The following SRC variants were observed in gnomAD, a reference collection of about 807,000 sequenced individuals.
SRC encodes the protein SRC proto-oncogene, non-receptor tyrosine kinase, also known as proto-oncogene tyrosine-protein kinase Src.
In SRC, 13 loss-of-function variants were observed where a neutral mutation model predicts 62.9. The observed-to-expected ratio is 0.21, with a 90% confidence interval of 0.13 to 0.33. The LOEUF (loss-of-function observed/expected upper bound fraction) is 0.33. Ranked by LOEUF, SRC falls within the 10% of genes least tolerant of loss-of-function variation. The probability of loss-of-function intolerance (pLI) is 1.00; values close to 1 mark genes in which losing one functional copy is unlikely to be tolerated. For missense variants in SRC, 457 were observed against 737.3 expected, an observed-to-expected ratio of 0.62 and a Z score of 4.40; for synonymous variants, 302 against 317.5, an observed-to-expected ratio of 0.95 and a Z score of 0.52.
chr20:37,370,857 G>A (rs919990946), intron 2 of SRC, among the ~76,000 whole-genome samples: 4 of 152,110 alleles, frequency 2.6e-5, no homozygotes, highest in Non-Finnish European at 5.9e-5. Context: ...TAAAAATTTG[G>A]TAGAATTCAC....
chr20:37,372,756 T>C (rs182200056), intron 2 of SRC, among the ~76,000 whole-genome samples: 3 of 152,298 alleles, frequency 2.0e-5, no homozygotes, highest in Non-Finnish European at 4.4e-5. Context: ...TTCTGTAAAC[T>C]ATATGTTGTC....
rs1233195337 is a variant in SRC at position 37,384,145 on chromosome 20, G to GC, written c.-4-3dup. The GC allele has an allele frequency of 5.6e-6, 9 of 1,599,930 alleles. No homozygotes were observed. Among genetic ancestry groups the GC allele is most frequent in the Admixed American group, 1.7e-5 (1 of 59,690 alleles). On this transcript the variant is annotated splice_polypyrimidine_tract_variant and splice_region_variant and intron_variant, in intron 3 of 13. Coordinates refer to ENST00000373578, the MANE Select transcript of SRC (RefSeq NM_198291.3). This position sits in a 1 kb window ranked among gnomAD's most constrained non-coding sequence, Gnocchi z 6.7. ...TGTTCCAGTGTCTTCTCTCTCTCCTGCCAGGACCATGGGTAGCAACAAGAG... is the reference window on the plus strand; with the variant it reads ...TGTTCCAGTGTCTTCTCTCTCTCCTGCCCAGGACCATGGGTAGCAACAAGAG...
At chr20:37,386,695 A>C (rs2070461343) in intron 5 of SRC, among the ~76,000 whole-genome samples, 1 of 151,482 alleles carries the variant, frequency 6.6e-6, no homozygotes, top group South Asian at 2.1e-4. Flanking sequence ...TCTCCTGCAC[A>C]TCTCCTCCCC....
chr20:37,402,619 T>G lies in SRC; in HGVS notation c.1270+31T>G. 6.3e-7 allele frequency: 1 copy of G among 1,596,040 alleles called. No homozygotes were observed. On this transcript the variant is annotated intron_variant, in intron 12 of 13. Transcript: ENST00000373578. This position sits in a 1 kb window ranked among gnomAD's most constrained non-coding sequence, Gnocchi z 6.2. ...CAGGGGCTGTGTGGTATGTCGCGCT[T>G]GGCCTGGGACAGGTCACGTCCCGCT...
rs746216043 is a variant in SRC at position 37,351,989 on chromosome 20, C to T, written c.-247+5734C>T. ...GGGTTCCAGCTCTGGCTGATGGATT[C>T]CCCAGTCGGACGTGGAGTACTGGGA... is the stretch of plus-strand genomic sequence containing the variant. On this transcript the variant is annotated intron_variant, in intron 1 of 13. Transcript: ENST00000373578. This position sits in a 1 kb window ranked among gnomAD's most constrained non-coding sequence, Gnocchi z 4.4. 3.3e-5 allele frequency among the ~76,000 whole-genome samples: 5 copies of T among 152,224 alleles called. No homozygotes were observed. Among genetic ancestry groups the T allele is most frequent in the Non-Finnish European group, 7.3e-5 (5 of 68,042 alleles).
intron 1 of SRC, among the ~76,000 whole-genome samples, chr20:37,354,867 A>G (rs1415945867): frequency 6.6e-6 from 1 of 152,160 alleles, no homozygotes; most frequent in East Asian, 1.9e-4. Flanking sequence ...AGGGGTAAGG[A>G]GTCTTCCTCA....
intron 1 of SRC, among the ~76,000 whole-genome samples, chr20:37,348,268 C>G (rs972878864): frequency 6.6e-6 from 1 of 152,162 alleles, no homozygotes; most frequent in Admixed American, 6.5e-5. Context: ...CTGGTTCCTG[C>G]TTTTGCTTCT....
intron 10 of SRC, among the ~76,000 whole-genome samples, chr20:37,400,765 T>C (rs984553543): frequency 6.6e-6 from 1 of 152,190 alleles, no homozygotes; most frequent in African/African-American, 2.4e-5. Context: ...AGTGTTCAGT[T>C]CAGTGGGTTT....
chr20:37,369,863 G>C (rs1438437450), intron 2 of SRC, among the ~76,000 whole-genome samples: 1 of 151,804 alleles, frequency 6.6e-6, no homozygotes, highest in Non-Finnish European at 1.5e-5. Context: ...GCAGTGGTGC[G>C]ATCTTGGCTA....
At chr20:37,376,866 G>A (rs1279369589) in intron 2 of SRC, among the ~76,000 whole-genome samples, 3 of 152,190 alleles carry the variant, frequency 2.0e-5, no homozygotes, top group Non-Finnish European at 2.9e-5. Context: ...AGATGTGGGC[G>A]ATGAGATCAT....
At chr20:37,382,122 G>A (rs777718665) in intron 2 of SRC, among the ~76,000 whole-genome samples, 1 of 152,142 alleles carries the variant, frequency 6.6e-6, no homozygotes. Context: ...GGTTCTCAGA[G>A]GAAATTCTGG....
At position 37,404,523 on chromosome 20, in the gene SRC, C is replaced by T. The variant is rs550839164; in HGVS notation, c.*1144C>T. On this transcript the variant is annotated 3_prime_UTR_variant, in exon 14 of 14. Coordinates refer to ENST00000373578, the MANE Select transcript of SRC (RefSeq NM_198291.3). ...TTCAATTCCTGGCCCTGTTCTCCTCCCCAAGTCGGCACCCTTTAACTCATG... is the reference window on the plus strand; with the variant it reads ...TTCAATTCCTGGCCCTGTTCTCCTCTCCAAGTCGGCACCCTTTAACTCATG... 1.3e-3 allele frequency: 308 copies of T among 233,724 alleles called. 3 individuals are homozygous for T. The highest frequency in any genetic ancestry group is 1.7e-3 in the Admixed American group (30 of 17,808). 14.5% of individuals were successfully genotyped at this position (233,724 alleles called of 1,614,324 possible). A position where few individuals can be genotyped will look rare whatever the true frequency, so the allele number is the denominator to read the frequency against.
chr20:37,347,987 G>A (rs1016191742), intron 1 of SRC, among the ~76,000 whole-genome samples: 7 of 152,192 alleles, frequency 4.6e-5, no homozygotes, highest in African/African-American at 1.7e-4. Context: ...AGGCCTTTTT[G>A]GTGATGTGGT....
chr20:37,393,813 C>A, intron 5 of SRC, 82 bp from the exon 6 acceptor site: 1 of 1,077,546 alleles, frequency 9.3e-7, no homozygotes, highest in Non-Finnish European at 1.4e-6. Context: ...GCCCTGAGCA[C>A]AGCACCTAGG....
chr20:37,347,611 G>A (rs1447445711), intron 1 of SRC, among the ~76,000 whole-genome samples: 4 of 152,300 alleles, frequency 2.6e-5, no homozygotes, highest in African/African-American at 9.6e-5. Context: ...CCCTGGCACC[G>A]TCCTGCCAGC....
intron 10 of SRC, among the ~76,000 whole-genome samples, chr20:37,400,748 C>T (rs2070724484): frequency 6.6e-6 from 1 of 152,064 alleles, no homozygotes; most frequent in African/African-American, 2.4e-5. Flanking sequence ...AAAATACACC[C>T]CTTTTAAGTG....
intron 4 of SRC, among the ~76,000 whole-genome samples, chr20:37,385,355 G>A (rs1241571595): frequency 1.3e-5 from 2 of 152,236 alleles, no homozygotes; most frequent in Non-Finnish European, 2.9e-5. Context: ...TGTTCAATAA[G>A]TATATGTGGA....
rs755567292 is a variant in SRC at position 37,396,197 on chromosome 20, G to A, written c.589G>A (p.Ala197Thr). ...YCLSVSDFDNAKGLNVKHYKI... is the reference protein window; with the variant it reads ...YCLSVSDFDNTKGLNVKHYKI... The stretch of plus-strand genomic sequence containing the variant: ...CCTCTCAGTGTCTGACTTCGACAAC[G>A]CCAAGGGCCTCAACGTGAAGCACTA... Residue 197 changes from alanine (A) to threonine (T), a missense_variant, in exon 8 of 14, where the codon GCC becomes ACC. By Grantham distance (58) the Ala-to-Thr change is moderately conservative. This residue lies in a region of SRC where 141 missense variants were observed against 198.4 expected (regional missense o/e 0.71). Transcript: ENST00000373578. This position sits in a 1 kb window ranked among gnomAD's most constrained non-coding sequence, Gnocchi z 6.1. 3 of 1,613,700 alleles carry A rather than the reference G, an allele frequency of 1.9e-6. No homozygotes were observed. Among genetic ancestry groups the A allele is most frequent in the Middle Eastern group, 1.7e-4 (1 of 6,038 alleles).
chr20:37,359,457 G>A (rs762840683), intron 1 of SRC, among the ~76,000 whole-genome samples: 10 of 152,208 alleles, frequency 6.6e-5, no homozygotes, highest in Non-Finnish European at 1.2e-4. Flanking sequence ...TGGTGGGCTC[G>A]TGGAGGATGG....
Sources: gnomAD v4.1 joint callset for allele counts (sites outside exome capture counted in the v4.1 genomes callset) on GRCh38, gnomAD v4.1.1 for gene constraint, gnomAD v4.1.1 regional missense constraint, Gnocchi (gnomAD v3.1) non-coding constraint, MANE v1.5 for transcripts, NCBI Gene and HGNC (gene_info 2026-07-23, HGNC 2026-07-21) for gene names.